The following KCND3 variants were observed in gnomAD, a reference collection of about 807,000 sequenced individuals.
The protein encoded by KCND3 is potassium voltage-gated channel subfamily D member 3, also known as A-type voltage-gated potassium channel KCND3.
In KCND3, 9 loss-of-function variants were observed where a neutral mutation model predicts 51.1. That is an observed-to-expected ratio of 0.18 (90% CI 0.11 to 0.31). KCND3 has a LOEUF of 0.31. Among genes scored for constraint, KCND3 ranks in the 10% least tolerant of loss-of-function variants. The pLI is 1.00. For synonymous variants in KCND3, 349 were observed against 368.0 expected (o/e 0.95, Z 0.59); for missense variants, 526 against 903.8 (o/e 0.58, Z 5.36).
At chr1:111,984,532 C>T (rs374989276) in intron 1 of KCND3, among the ~76,000 whole-genome samples, 1 of 152,230 alleles carries the variant, frequency 6.6e-6, no homozygotes, top group East Asian at 1.9e-4. Flanking sequence ...CTCACTCTCA[C>T]ACCCCACCCG....
intron 2 of KCND3, among the ~76,000 whole-genome samples, chr1:111,809,314 CT>C (rs869227221): frequency 7.4e-4 from 45 of 60,822 alleles, no homozygotes; most frequent in Non-Finnish European, 1.1e-3. Flanking sequence ...ATTTTTCTTT[CT>C]TTTTTTTTTT....
intron 2 of KCND3, among the ~76,000 whole-genome samples, chr1:111,863,490 G>C (rs888896609): frequency 6.6e-6 from 1 of 152,228 alleles, no homozygotes; most frequent in Non-Finnish European, 1.5e-5. Context: ...AGTCTTCTGG[G>C]ACGACAAGGG....
intron 2 of KCND3, among the ~76,000 whole-genome samples, chr1:111,951,498 G>T (rs1045651805): frequency 2.9e-4 from 44 of 152,316 alleles, no homozygotes; most frequent in Admixed American, 6.5e-4. Context: ...GTGGAGTAAA[G>T]ATGGCATCTG....
chr1:111,888,965 C>T (rs539818570), intron 2 of KCND3, among the ~76,000 whole-genome samples: 132 of 152,226 alleles, frequency 8.7e-4, no homozygotes, highest in Non-Finnish European at 1.5e-3. Flanking sequence ...AGCAGCTTTG[C>T]TAATGAGGGA....
intron 2 of KCND3, among the ~76,000 whole-genome samples, chr1:111,969,836 A>G (rs1674224645): frequency 6.6e-6 from 1 of 152,014 alleles, no homozygotes; most frequent in South Asian, 2.1e-4. Flanking sequence ...GCCTCTCTCC[A>G]TCTCAAAACC....
intron 2 of KCND3, among the ~76,000 whole-genome samples, chr1:111,796,826 T>C (rs1452089172): frequency 2.0e-5 from 3 of 152,176 alleles, no homozygotes; most frequent in African/African-American, 7.2e-5. Context: ...CTCTGGGAGA[T>C]GTTTCCTAAG....
intron 2 of KCND3, among the ~76,000 whole-genome samples, chr1:111,860,586 C>T (rs1387752462): frequency 1.3e-5 from 2 of 152,162 alleles, no homozygotes. Flanking sequence ...ATGCATGACC[C>T]ACACTTCCAA....
intron 2 of KCND3, among the ~76,000 whole-genome samples, chr1:111,940,073 G>GTTTTTTTTTTTTT (rs61088602): frequency 6.4e-4 from 55 of 85,466 alleles, no homozygotes; most frequent in African/African-American, 9.2e-4. Context: ...CTTTTTGATG[G>GTTTTTTTTTTTTT]TTTTTTTTTT....
chr1:111,781,905 AG>A (rs1024818571), intron 3 of KCND3, among the ~76,000 whole-genome samples: 12 of 152,184 alleles, frequency 7.9e-5, no homozygotes, highest in African/African-American at 2.4e-4. Context: ...AGACTGAGAG[AG>A]GGAGAAGGGA....
intron 2 of KCND3, among the ~76,000 whole-genome samples, chr1:111,936,551 G>A (rs138549933): frequency 1.3e-3 from 195 of 152,334 alleles, no homozygotes; most frequent in Middle Eastern, 6.8e-3. Flanking sequence ...GGGTTGCTTG[G>A]TATCATCAAG....
intron 2 of KCND3, among the ~76,000 whole-genome samples, chr1:111,866,035 A>G (rs1363012921): frequency 6.6e-6 from 1 of 151,398 alleles, no homozygotes; most frequent in African/African-American, 2.4e-5. Flanking sequence ...AATTGAAAAA[A>G]TTTTTCTTTT....
intron 2 of KCND3, among the ~76,000 whole-genome samples, chr1:111,794,061 C>CT (rs11387763): frequency 0.83 from 126,114 of 152,114 alleles, 52,498 homozygotes; most frequent in East Asian, 0.96. Flanking sequence ...AGGCAGCTGT[C>CT]GCCCTGAGCA....
chr1:111,902,011 G>A (rs746258765), intron 2 of KCND3, among the ~76,000 whole-genome samples: 5 of 152,218 alleles, frequency 3.3e-5, no homozygotes, highest in African/African-American at 4.8e-5. Flanking sequence ...GATCCCACGT[G>A]CTCAGCGGTT....
intron 2 of KCND3, among the ~76,000 whole-genome samples, chr1:111,792,133 G>A (rs1330069241): frequency 1.3e-5 from 2 of 152,220 alleles, no homozygotes; most frequent in Admixed American, 6.5e-5. Flanking sequence ...TTCCTCTCAA[G>A]GAAATCAAAG....
chr1:111,941,951 A>C (rs1013524986), intron 2 of KCND3, among the ~76,000 whole-genome samples: 1 of 152,174 alleles, frequency 6.6e-6, no homozygotes, highest in African/African-American at 2.4e-5. Context: ...TGCTGCCAAT[A>C]ATCATCCGAT....
At position 111,776,174 on chromosome 1, in the gene KCND3, G is replaced by T; in HGVS notation, c.1871C>A (p.Thr624Asn). 1.2e-6 allele frequency: 2 copies of T among 1,614,206 alleles called. No homozygotes were observed. Among genetic ancestry groups the T allele is most frequent in the Non-Finnish European group, 8.5e-7 (1 of 1,180,032 alleles). Residue 624 changes from threonine to asparagine, a missense_variant, in exon 8 of 8, where the codon ACC (threonine) becomes AAC (asparagine). Physicochemically the swap from Thr to Asn is moderately conservative, Grantham distance 65. This residue lies in a region of KCND3 where 266 missense variants were observed against 305.5 expected (regional missense o/e 0.87). Transcript: ENST00000302127. ...IISIPTPPALTPEGESRPPPA... is the reference protein window; with the variant it reads ...IISIPTPPALNPEGESRPPPA... ...GGGTGGCCGACTTTCCCCCTCTGGG[G>T]TTAGCGCTGGGGGAGTGGGGATGCT...
intron 2 of KCND3, among the ~76,000 whole-genome samples, chr1:111,937,853 G>A (rs1672297451): frequency 6.6e-6 from 1 of 152,196 alleles, no homozygotes; most frequent in South Asian, 2.1e-4. Flanking sequence ...GAGCTGGCCA[G>A]AGGCATAATC....
chr1:111,825,404 C>G (rs1422484841), intron 2 of KCND3, among the ~76,000 whole-genome samples: 1 of 152,298 alleles, frequency 6.6e-6, no homozygotes, highest in African/African-American at 2.4e-5. Context: ...AGTACAAGTT[C>G]CTCATGTTGA....
intron 2 of KCND3, among the ~76,000 whole-genome samples, chr1:111,838,309 GTAATT>G (rs1018741446): frequency 2.0e-5 from 3 of 152,184 alleles, no homozygotes; most frequent in Non-Finnish European, 4.4e-5. Context: ...TATGCAACTG[GTAATT>G]TAATTTAATT....
Sources: allele counts gnomAD v4.1 joint callset (sites outside exome capture counted in the v4.1 genomes callset), GRCh38; gene constraint gnomAD v4.1.1; regional missense constraint gnomAD v4.1.1; transcripts MANE v1.5; gene names NCBI Gene and HGNC (gene_info 2026-07-23, HGNC 2026-07-21).